Variants in FER1L6 observed in about 807,000 individuals in gnomAD.
The protein encoded by FER1L6 is fer-1 like family member 6.
FER1L6 carries 177 observed loss-of-function variants against 219.2 expected under a neutral mutation model. The ratio of observed to expected loss-of-function variants is 0.81; its 90% CI spans 0.71 to 0.91. The LOEUF (loss-of-function observed/expected upper bound fraction) is 0.91, where lower values mean the gene tolerates loss of function less well. Among genes scored for constraint, FER1L6 ranks in the 40% least tolerant of loss-of-function variants. FER1L6 has a pLI of 0.00. For missense variants in FER1L6, 2,153 were observed against 2,259.9 expected (o/e 0.95, Z 0.96); for synonymous variants, 768 against 824.3 (o/e 0.93, Z 1.17).
chr8:123,917,560 C>A (rs1389780269), intron 1 of FER1L6, among the ~76,000 whole-genome samples: 4 of 152,054 alleles, frequency 2.6e-5, no homozygotes, highest in Non-Finnish European at 4.4e-5. Context: ...TATCTCCTTC[C>A]CGCCAAAGAA....
At position 123,982,353 on chromosome 8, in the gene FER1L6, A is replaced by G. The variant is rs376125660; in HGVS notation, c.1410+1542A>G. Among the ~76,000 whole-genome samples the G allele has an allele frequency of 8.5e-5, 13 of 152,304 alleles. 1 individual carries two copies. In the South Asian group the frequency reaches 2.1e-3, roughly 24 times the overall value. On this transcript the variant is annotated intron_variant, in intron 11 of 40. Transcript: ENST00000522917. ...TCATCCAAGTCGAAATATCTTTAAG[A>G]TATTTTGATGAAGACACTTGAAGCA...
At chr8:123,923,094 G>C (rs1244499000) in intron 1 of FER1L6, among the ~76,000 whole-genome samples, 1 of 152,196 alleles carries the variant, frequency 6.6e-6, no homozygotes, top group Non-Finnish European at 1.5e-5. Flanking sequence ...TATGCAGCGT[G>C]GTGATAATGA....
intron 18 of FER1L6, 126 bp downstream of exon 18, chr8:124,023,722 G>C (rs1011490361): frequency 1.0e-6 from 1 of 953,976 alleles, no homozygotes; most frequent in Admixed American, 2.9e-5. Context: ...AGGACAACTA[G>C]AACACCTTGG....
At chr8:124,040,083 C>A (rs1819416201) in intron 20 of FER1L6, 77 bp downstream of exon 20, 1 of 1,580,172 alleles carries the variant, frequency 6.3e-7, no homozygotes, top group South Asian at 1.1e-5. Context: ...AGGAAAGAAA[C>A]AACGGGGGCA....
intron 32 of FER1L6, among the ~76,000 whole-genome samples, chr8:124,079,737 T>A (rs1384633349): frequency 6.6e-6 from 1 of 152,196 alleles, no homozygotes; most frequent in Non-Finnish European, 1.5e-5. Context: ...ATTGCCTGTA[T>A]GATGAATGCT....
intron 39 of FER1L6, among the ~76,000 whole-genome samples, chr8:124,115,213 T>C (rs1035187080): frequency 6.6e-6 from 1 of 151,124 alleles, no homozygotes; most frequent in Non-Finnish European, 1.5e-5. Context: ...GATAGTCTCT[T>C]GAACTGTCTA....
At chr8:124,106,261 G>A (rs1442150150) in intron 39 of FER1L6, among the ~76,000 whole-genome samples, 6 of 139,442 alleles carry the variant, frequency 4.3e-5, no homozygotes, top group African/African-American at 8.0e-5. Context: ...CCCAGGAGGC[G>A]GAGCTTGCAG....
chr8:123,907,584 A>G (rs1812976281), intron 1 of FER1L6, among the ~76,000 whole-genome samples: 1 of 150,394 alleles, frequency 6.6e-6, no homozygotes, highest in Non-Finnish European at 1.5e-5. Context: ...CATTATCTAA[A>G]CCTCCTTCCT....
rs1397912940 is a variant in FER1L6 at position 123,853,689 on chromosome 8, C to T, written c.-8+1504C>T. ...TTTGAGAGAACCTATCCAAGTTGCACGTATGCAGGTGACATGCTCATGGCT... is the reference window on the plus strand; with the variant it reads ...TTTGAGAGAACCTATCCAAGTTGCATGTATGCAGGTGACATGCTCATGGCT... On this transcript the variant is annotated intron_variant, in intron 1 of 40. Transcript: ENST00000522917. The surrounding 1 kb of genome is among the most constrained non-coding windows in gnomAD (Gnocchi z 6.6). Among the ~76,000 whole-genome samples, 2 of 152,138 alleles carry T rather than the reference C, an allele frequency of 1.3e-5. No homozygotes were observed. Among genetic ancestry groups the T allele is most frequent in the East Asian group, 1.9e-4 (1 of 5,194 alleles).
chr8:124,056,759 T>G (rs1164454298), intron 22 of FER1L6, among the ~76,000 whole-genome samples: 1 of 152,162 alleles, frequency 6.6e-6, no homozygotes, highest in Non-Finnish European at 1.5e-5. Context: ...TATTAAGAAC[T>G]TCCAGGCCAG....
At chr8:124,102,218 A>G (rs891287779) in intron 38 of FER1L6, among the ~76,000 whole-genome samples, 3 of 152,154 alleles carry the variant, frequency 2.0e-5, no homozygotes, top group African/African-American at 7.2e-5. Context: ...CGTTAATTTT[A>G]GAATGCCTTT....
intron 1 of FER1L6, among the ~76,000 whole-genome samples, chr8:123,929,008 G>A (rs369064137): frequency 2.6e-5 from 4 of 152,310 alleles, no homozygotes; most frequent in South Asian, 4.1e-4. Flanking sequence ...GTGTGAATCC[G>A]TGAGTTTGGA....
intron 1 of FER1L6, among the ~76,000 whole-genome samples, chr8:123,856,268 G>A (rs1350811704): frequency 4.3e-5 from 5 of 116,016 alleles, no homozygotes; most frequent in African/African-American, 1.2e-4. Flanking sequence ...GTATATATGT[G>A]TATATGTGTA....
chr8:124,074,918 T>TA (rs1233420813), intron 31 of FER1L6, among the ~76,000 whole-genome samples: 1 of 152,106 alleles, frequency 6.6e-6, no homozygotes, highest in Admixed American at 6.6e-5. Context: ...AAAGGTACAG[T>TA]AAAAATACAG....
At chr8:123,924,515 C>T (rs1034639320) in intron 1 of FER1L6, among the ~76,000 whole-genome samples, 9 of 145,612 alleles carry the variant, frequency 6.2e-5, no homozygotes, top group Non-Finnish European at 1.2e-4. Flanking sequence ...GCCCGGGTAA[C>T]GAGACTGAAA....
chr8:123,886,926 GT>G lies in FER1L6; in HGVS notation c.-8+34749del, dbSNP rs200245432. ...AACTGACCCAATAGTCCCATAGACAGTTTTTTTTAAAATAAATATAGAAAGG... is the reference window on the plus strand; with the variant it reads ...AACTGACCCAATAGTCCCATAGACAGTTTTTTTAAAATAAATATAGAAAGG... On this transcript the variant is annotated intron_variant, in intron 1 of 40. Transcript: ENST00000522917. Among the ~76,000 whole-genome samples, 733 of 152,070 alleles carry G rather than the reference GT, an allele frequency of 4.8e-3. 3 individuals carry two copies. The highest frequency in any genetic ancestry group is 0.017 in the Middle Eastern group (5 of 294).
intron 39 of FER1L6, among the ~76,000 whole-genome samples, chr8:124,109,712 A>G (rs1487761897): frequency 2.0e-5 from 3 of 152,146 alleles, no homozygotes; most frequent in African/African-American, 7.2e-5. Flanking sequence ...TCATTTTTCA[A>G]CAGTTACAGA....
intron 1 of FER1L6, among the ~76,000 whole-genome samples, chr8:123,938,969 A>G (rs1814118187): frequency 1.3e-5 from 2 of 152,242 alleles, no homozygotes; most frequent in African/African-American, 2.4e-5. Context: ...GGAAGAGTAC[A>G]CTGTTCGAGG....
At chr8:124,014,991 G>A (rs1818119634) in intron 15 of FER1L6, among the ~76,000 whole-genome samples, 1 of 152,082 alleles carries the variant, frequency 6.6e-6, no homozygotes, top group African/African-American at 2.4e-5. Context: ...GTTTTTCATG[G>A]GCCATTGGGC....
Sources: allele counts gnomAD v4.1 joint callset (sites outside exome capture counted in the v4.1 genomes callset), GRCh38; gene constraint gnomAD v4.1.1; non-coding constraint Gnocchi (gnomAD v3.1); transcripts MANE v1.5; gene names NCBI Gene and HGNC (gene_info 2026-07-23, HGNC 2026-07-21).